Variants in C7 observed in about 807,000 individuals in gnomAD.
C7 encodes the protein complement C7, also known as complement component C7.
In C7, 83 loss-of-function variants were observed where a neutral mutation model predicts 104.8. The observed-to-expected ratio is 0.79, with a 90% CI of 0.66 to 0.95. The LOEUF (loss-of-function observed/expected upper bound fraction) is 0.95, where lower values mean the gene tolerates loss of function less well. Ranked by LOEUF, C7 falls within the 40% of genes least tolerant of loss-of-function variation. C7 has a pLI of 0.00. For missense variants in C7, 1,070 were observed against 1,011.2 expected, an observed-to-expected ratio of 1.06 and a Z score of -0.79; for synonymous variants, 415 against 360.6, an observed-to-expected ratio of 1.15 and a Z score of -1.71.
intron 14 of C7, among the ~76,000 whole-genome samples, chr5:40,968,571 TA>T (rs1740611432): frequency 9.5e-5 from 6 of 63,072 alleles, no homozygotes; most frequent in South Asian, 4.8e-4. Flanking sequence ...ATATATTTTA[TA>T]TATATATATA....
intron 6 of C7, among the ~76,000 whole-genome samples, chr5:40,940,131 C>G (rs1352347926): frequency 6.6e-6 from 1 of 152,282 alleles, no homozygotes; most frequent in East Asian, 1.9e-4. Flanking sequence ...ATTCAGCTCT[C>G]TTTGAGGTGG....
At position 40,984,195 on chromosome 5, in the gene C7, C is replaced by A. The variant is rs548622187; in HGVS notation, c.*2622C>A. On this transcript the variant is annotated 3_prime_UTR_variant, in exon 18 of 18. Coordinates refer to ENST00000313164, the MANE Select transcript of C7 (RefSeq NM_000587.4). ...TCTCTAAGCCCTGAGATTTAATGAG[C>A]CCCATTCAAACTGTTATTAATGTAA... is the stretch of plus-strand genomic sequence containing the variant. Among the ~76,000 whole-genome samples the A allele has an allele frequency of 6.6e-6, 1 of 152,132 alleles. No homozygotes were observed. Among genetic ancestry groups the A allele is most frequent in the East Asian group, 1.9e-4 (1 of 5,190 alleles).
chr5:40,979,618 G>A (rs1740895399), intron 16 of C7, 107 bp from the exon 17 acceptor site: 2 of 701,110 alleles, frequency 2.9e-6, no homozygotes, highest in Non-Finnish European at 4.2e-6. Flanking sequence ...TTTACTGTGG[G>A]TGATAACATC....
In C7 at chr5:40,979,798, G is replaced by A. The variant is rs373683140; in HGVS notation, c.2239G>A (p.Val747Ile). 6 of 1,613,612 alleles carry A rather than the reference G, an allele frequency of 3.7e-6. No individual in the cohort carries two copies. The Middle Eastern group carries it at 6.6e-4, about 178-fold the overall frequency. ...ILPLTVCKMH[V>I]LHCQGRNYTL... is the part of the protein sequence containing the mutation. ...GCCTCTGACAGTTTGCAAGATGCAT[G>A]TTCTCCACTGTCAGGGTAGAAATTA... The change falls in exon 17 of 18, where the codon GTT becomes ATT. Residue 747 changes from valine (V) to isoleucine (I), a missense_variant. Coordinates refer to ENST00000313164, the MANE Select transcript of C7 (RefSeq NM_000587.4).
At chr5:40,962,527 A>T (rs1229424231) in intron 13 of C7, among the ~76,000 whole-genome samples, 1 of 151,650 alleles carries the variant, frequency 6.6e-6, no homozygotes, top group Non-Finnish European at 1.5e-5. Context: ...TTTGCCACTG[A>T]CTTTTTTTTT....
At chr5:40,934,278 G>T in intron 3 of C7, 47 bp from the exon 4 acceptor site, 1 of 1,455,452 alleles carries the variant, frequency 6.9e-7, no homozygotes, top group South Asian at 1.6e-5. Context: ...AGATTTCTTT[G>T]AAAACAAACA....
intron 6 of C7, among the ~76,000 whole-genome samples, chr5:40,943,423 TAA>T: frequency 6.6e-6 from 1 of 152,218 alleles, no homozygotes; most frequent in South Asian, 2.1e-4. Flanking sequence ...GAAAATTTAA[TAA>T]GACCACACCA....
intron 1 of C7, chr5:40,910,965 TATA>T (rs1274920563): frequency 6.6e-6 from 1 of 152,196 alleles, no homozygotes; most frequent in Non-Finnish European, 1.5e-5. Context: ...CAATCATTAT[TATA>T]ATATTTTACT....
At chr5:40,911,681 T>C (rs1739210263) in intron 1 of C7, among the ~76,000 whole-genome samples, 1 of 152,102 alleles carries the variant, frequency 6.6e-6, no homozygotes, top group Non-Finnish European at 1.5e-5. Context: ...CAGGGGAATG[T>C]AGTTCCAGCT....
chr5:40,958,234 C>G lies in C7; in HGVS notation c.1462C>G (p.Gln488Glu). The G allele has an allele frequency of 6.2e-7, 1 of 1,609,850 alleles. No individual in the cohort carries two copies. ...GTACACATTTGGTGCGGCGTGTGAG[C>G]AAGGAGTCCTCGTAGGGAATCAAGC... Reference protein sequence around the residue: ...KPYTFGAACEQGVLVGNQAGG... With the variant: ...KPYTFGAACEEGVLVGNQAGG... Residue 488 changes from glutamine to glutamate, a missense_variant, in exon 11 of 18, where the codon CAA becomes GAA. Gln to Glu is a conservative substitution (Grantham distance 29). Coordinates refer to ENST00000313164, the MANE Select transcript of C7 (RefSeq NM_000587.4).
At chr5:40,978,619 A>C (rs113282729) in intron 16 of C7, among the ~76,000 whole-genome samples, 1,655 of 152,250 alleles carry the variant, frequency 0.011, 37 homozygotes, top group African/African-American at 0.038. Context: ...TTTATAAATA[A>C]CTCCAAGTAA....
At chr5:40,923,213 A>G (rs1739478154) in intron 1 of C7, among the ~76,000 whole-genome samples, 1 of 152,234 alleles carries the variant, frequency 6.6e-6, no homozygotes, top group African/African-American at 2.4e-5. Context: ...GCTAACAGGT[A>G]TATGAAAAAA....
At chr5:40,968,594 ATATATATTTTTTTTTTTTTT>A (rs1740619582) in intron 14 of C7, among the ~76,000 whole-genome samples, 113 of 26,030 alleles carry the variant, frequency 4.3e-3, no homozygotes, top group South Asian at 0.013. Flanking sequence ...ATATATATAT[ATATATATTTTTTTTTTTTTT>A]TTTTTTTTTT....
At position 40,968,416 on chromosome 5, in the gene C7, G is replaced by A. The variant is rs151288567; in HGVS notation, c.1882+3543G>A. Among the ~76,000 whole-genome samples, 267 of 151,456 alleles carry A rather than the reference G, an allele frequency of 1.8e-3. 2 individuals are homozygous for A. Among genetic ancestry groups the A allele is most frequent in the East Asian group, 0.013 (68 of 5,140 alleles). ...GCTGGGACTACAGGCATGAGCCACCGCACCTGGCCTCATTCTAAATATTTT... is the reference window on the plus strand; with the variant it reads ...GCTGGGACTACAGGCATGAGCCACCACACCTGGCCTCATTCTAAATATTTT... On this transcript the variant is annotated intron_variant, in intron 14 of 17. Coordinates refer to ENST00000313164, the MANE Select transcript of C7 (RefSeq NM_000587.4).
At chr5:40,968,671 G>T (rs1287056101) in intron 14 of C7, among the ~76,000 whole-genome samples, 2 of 131,588 alleles carry the variant, frequency 1.5e-5, no homozygotes, top group Non-Finnish European at 3.1e-5. Flanking sequence ...AAGTGCAGTG[G>T]TGCAATCTTG....
chr5:40,924,361 C>T (rs996815207), intron 1 of C7, among the ~76,000 whole-genome samples: 3 of 152,196 alleles, frequency 2.0e-5, no homozygotes, highest in Admixed American at 6.5e-5. Context: ...TCTTGGGCAA[C>T]TTTACTTCTT....
chr5:40,930,985 T>G, intron 2 of C7, 79 bp from the exon 3 acceptor site: 1 of 953,540 alleles, frequency 1.0e-6, no homozygotes, highest in Non-Finnish European at 1.7e-6. Context: ...TAACTATTTT[T>G]GACTGTTTTC....
intron 1 of C7, among the ~76,000 whole-genome samples, chr5:40,926,441 G>T (rs1054538196): frequency 2.6e-5 from 4 of 152,084 alleles, no homozygotes; most frequent in Admixed American, 6.6e-5. Context: ...AAAAAGAAAT[G>T]AAAGGCATTA....
chr5:40,963,340 T>A (rs1740461631), intron 13 of C7, among the ~76,000 whole-genome samples: 1 of 152,244 alleles, frequency 6.6e-6, no homozygotes, highest in South Asian at 2.1e-4. Context: ...GATTATGATA[T>A]ACAGCCGCAT....
Sources: allele counts gnomAD v4.1 joint callset (sites outside exome capture counted in the v4.1 genomes callset), GRCh38; gene constraint gnomAD v4.1.1; transcripts MANE v1.5; gene names NCBI Gene and HGNC (gene_info 2026-07-23, HGNC 2026-07-21).